Variants in PRTG observed in about 807,000 individuals in gnomAD.
PRTG encodes the protein protogenin.
A neutral mutation model predicts 122.5 loss-of-function variants in PRTG; 67 were observed. The ratio of observed to expected loss-of-function variants is 0.55; its 90% CI spans 0.45 to 0.67. The LOEUF is 0.67. Ranked by LOEUF, PRTG falls within the 30% of genes least tolerant of loss-of-function variation. The pLI is 0.00. For synonymous variants in PRTG, 554 were observed against 501.1 expected (o/e 1.11, Z -1.41); for missense variants, 1,435 against 1,415.4 (o/e 1.01, Z -0.22).
intron 2 of PRTG, among the ~76,000 whole-genome samples, chr15:55,739,123 GAATAA>G (rs1421066208): frequency 7.9e-5 from 12 of 152,186 alleles, no homozygotes; most frequent in Admixed American, 5.9e-4. Flanking sequence ...CCTTATTGCA[GAATAA>G]AATAGTTAAT....
rs767392632 is a variant in PRTG, at chr15:55,638,607, A to G, written c.2394T>C (p.His798=). Residue 798 remains histidine, a synonymous_variant, in exon 14 of 20, where the codon CAT becomes CAC. Transcript: ENST00000389286. ...NTKYEFAVRL[H]VDQLSSPWSP... The stretch of plus-strand genomic sequence containing the variant: ...TCCAAGGACTGGAAAGCTGATCCAC[A>G]TGTAATCGAACGGCAAATTCGTATT... 3 of 1,613,484 alleles carry G rather than the reference A, an allele frequency of 1.9e-6. No individual in the cohort carries two copies. The highest frequency in any genetic ancestry group is 2.7e-5 in the African/African-American group (2 of 74,902).
chr15:55,739,881 T>G (rs905334357), intron 2 of PRTG, among the ~76,000 whole-genome samples: 1 of 152,170 alleles, frequency 6.6e-6, no homozygotes, highest in African/African-American at 2.4e-5. Flanking sequence ...GGCTTAAGAG[T>G]GACTGACCAA....
intron 17 of PRTG, 85 bp downstream of exon 17, chr15:55,626,923 A>T: frequency 7.7e-7 from 1 of 1,295,338 alleles, no homozygotes; most frequent in Non-Finnish European, 1.1e-6. Context: ...AGTTACTCTA[A>T]AAGGCACTTG....
intron 11 of PRTG, among the ~76,000 whole-genome samples, chr15:55,649,427 C>A (rs143179978): frequency 6.6e-6 from 1 of 152,254 alleles, no homozygotes; most frequent in South Asian, 2.1e-4. Context: ...TAATTTAATT[C>A]CATGAAGTGC....
chr15:55,670,969 CAAAGA>C (rs1331260308), intron 11 of PRTG, among the ~76,000 whole-genome samples: 1 of 150,042 alleles, frequency 6.7e-6, no homozygotes, highest in African/African-American at 2.5e-5. Context: ...TGTGTGCACA[CAAAGA>C]AGAGAAAAGA....
At chr15:55,716,372 C>T (rs1398485191) in intron 2 of PRTG, among the ~76,000 whole-genome samples, 1 of 152,158 alleles carries the variant, frequency 6.6e-6, no homozygotes, top group Non-Finnish European at 1.5e-5. Context: ...AATCCATGGG[C>T]TGAAGAATGA....
intron 11 of PRTG, among the ~76,000 whole-genome samples, chr15:55,664,213 C>T (rs548298745): frequency 3.9e-4 from 59 of 152,046 alleles, no homozygotes; most frequent in Non-Finnish European, 7.6e-4. Flanking sequence ...GCAATCTCAG[C>T]TTACTGCAAC....
At chr15:55,657,999 T>C (rs2059389579) in intron 11 of PRTG, among the ~76,000 whole-genome samples, 2 of 152,224 alleles carry the variant, frequency 1.3e-5, no homozygotes, top group South Asian at 4.1e-4. Context: ...TCATTCCCTT[T>C]ACTATCCACA....
intron 11 of PRTG, among the ~76,000 whole-genome samples, chr15:55,666,091 T>C (rs1399304642): frequency 6.6e-6 from 1 of 152,192 alleles, no homozygotes. Context: ...AATGCCAGAC[T>C]GAGTGGTTTA....
intron 11 of PRTG, among the ~76,000 whole-genome samples, chr15:55,644,411 T>C (rs934897322): frequency 3.3e-5 from 5 of 152,236 alleles, no homozygotes; most frequent in Non-Finnish European, 7.3e-5. Context: ...ACTGCATGAA[T>C]ACATTCCTGG....
intron 11 of PRTG, among the ~76,000 whole-genome samples, chr15:55,656,512 A>C (rs1024493831): frequency 2.6e-5 from 4 of 151,956 alleles, no homozygotes; most frequent in Non-Finnish European, 4.4e-5. Flanking sequence ...GAGCAGTGTA[A>C]TTTTTTCTTT....
intron 16 of PRTG, among the ~76,000 whole-genome samples, chr15:55,628,528 T>C (rs972095543): frequency 6.6e-6 from 1 of 151,944 alleles, no homozygotes; most frequent in Non-Finnish European, 1.5e-5. Flanking sequence ...GGAAGCCCAC[T>C]CCTACCAGTT....
At position 55,639,720 on chromosome 15, in the gene PRTG, G is replaced by C; in HGVS notation, c.2246C>G (p.Ala749Gly). The C allele has an allele frequency of 6.2e-7, 1 of 1,614,164 alleles. No homozygotes were observed. Among genetic ancestry groups the C allele is most frequent in the Non-Finnish European group, 8.5e-7 (1 of 1,180,020 alleles). Residue 749 changes from alanine to glycine, a missense_variant, in exon 13 of 20, where the codon GCT becomes GGT. Transcript: ENST00000389286. Reference protein sequence around the residue: ...FLHWRRPAFTAAQIINYTIRC... With the variant: ...FLHWRRPAFTGAQIINYTIRC... ...GATGGTGTAGTTAATGATTTGTGCA[G>C]CGGTGAATGCAGGCCTCCTCCAGTG...
chr15:55,693,438 A>G (rs942314222), intron 2 of PRTG, among the ~76,000 whole-genome samples: 5 of 152,036 alleles, frequency 3.3e-5, no homozygotes, highest in Admixed American at 1.3e-4. Context: ...CCTGGGCAAC[A>G]AGAGTATAAC....
At chr15:55,643,207 TTC>T (rs1236560711) in intron 11 of PRTG, among the ~76,000 whole-genome samples, 1 of 152,216 alleles carries the variant, frequency 6.6e-6, no homozygotes, top group Non-Finnish European at 1.5e-5. Flanking sequence ...TGAAAGAATG[TTC>T]TAAATATTTT....
intron 11 of PRTG, among the ~76,000 whole-genome samples, chr15:55,650,076 T>C (rs1053176743): frequency 1.3e-5 from 2 of 152,132 alleles, no homozygotes; most frequent in East Asian, 3.9e-4. Flanking sequence ...AGAAAGCTGG[T>C]TTGGGAATTT....
At chr15:55,710,341 T>C (rs1186257501) in intron 2 of PRTG, among the ~76,000 whole-genome samples, 1 of 152,228 alleles carries the variant, frequency 6.6e-6, no homozygotes, top group Non-Finnish European at 1.5e-5. Context: ...AGCAATGTTG[T>C]TCTACATTTT....
At chr15:55,689,456 T>C (rs575230373) in intron 2 of PRTG, among the ~76,000 whole-genome samples, 1 of 152,054 alleles carries the variant, frequency 6.6e-6, no homozygotes, top group South Asian at 2.1e-4. Context: ...CAAACAGACT[T>C]GTTAGTGAGC....
At chr15:55,706,258 C>A (rs1160566766) in intron 2 of PRTG, among the ~76,000 whole-genome samples, 1 of 151,870 alleles carries the variant, frequency 6.6e-6, no homozygotes, top group Admixed American at 6.6e-5. Flanking sequence ...ACAACAACTA[C>A]TGGCCATCAA....
Sources: gnomAD v4.1 joint callset for allele counts (sites outside exome capture counted in the v4.1 genomes callset) on GRCh38, gnomAD v4.1.1 for gene constraint, MANE v1.5 for transcripts, NCBI Gene and HGNC (gene_info 2026-07-23, HGNC 2026-07-21) for gene names.